PGC: variants seen among roughly 807,000 people sequenced by gnomAD.
PGC encodes the protein gastricsin.
Under a neutral mutation model 45.9 loss-of-function variants are expected in PGC, and 31 were observed. The observed-to-expected ratio is 0.67, with a 90% CI of 0.51 to 0.91. The LOEUF is 0.91. Ranked by LOEUF, PGC falls within the 40% of genes least tolerant of loss-of-function variation. The probability of loss-of-function intolerance (pLI) is 0.00; values close to 1 mark genes in which losing one functional copy is unlikely to be tolerated. For synonymous variants in PGC, 192 were observed against 201.8 expected (o/e 0.95, Z 0.41); for missense variants, 477 against 493.2 (o/e 0.97, Z 0.31).
intron 5 of PGC, 165 bp from the exon 6 acceptor site, chr6:41,740,775 G>A (rs553364803): frequency 2.3e-5 from 33 of 1,439,186 alleles, no homozygotes; most frequent in South Asian, 1.5e-4. Context: ...CTGAGGACAG[G>A]GCTGTATCCC....
chr6:41,737,682 C>A, intron 8 of PGC, 48 bp downstream of exon 8: 1 of 1,189,264 alleles, frequency 8.4e-7, no homozygotes, highest in Non-Finnish European at 1.3e-6. Flanking sequence ...CCAGCCCTTC[C>A]TCCCAACCCC....
At chr6:41,741,765 C>T in intron 5 of PGC, 2 of 1,514,182 alleles carry the variant, frequency 1.3e-6, no homozygotes, top group African/African-American at 1.4e-5. Context: ...AATGCCTGCA[C>T]ATGCTTGTGT....
rs369400208 is a variant in PGC, at chr6:41,740,587, G to A, written c.671C>T (p.Ala224Val). 1.1e-5 allele frequency: 18 copies of A among 1,601,056 alleles called. No individual in the cohort carries two copies. The African/African-American group carries it at 1.2e-4, about 11-fold the overall frequency. Residue 224 changes from alanine (A) to valine (V), a missense_variant, in exon 6 of 9, where the codon GCG (alanine) becomes GTG (valine). By Grantham distance (64) the Ala-to-Val change is moderately conservative. Coordinates refer to ENST00000373025, the MANE Select transcript of PGC (RefSeq NM_002630.4). ...LSNQQGSSGG[A>V]VVFGGVDSSL... ...GCTATCCACACCCCCAAAGACAACC[G>A]CTCCCCCGCTGGAGCCCTGCTGGCT...
intron 3 of PGC, among the ~76,000 whole-genome samples, chr6:41,743,823 C>T (rs915020981): frequency 1.3e-5 from 2 of 152,194 alleles, no homozygotes; most frequent in Non-Finnish European, 2.9e-5. Flanking sequence ...CCAGTCATAA[C>T]ATAGGGTGGG....
chr6:41,743,227 C>G, intron 4 of PGC, 44 bp downstream of exon 4: 1 of 1,176,134 alleles, frequency 8.5e-7, no homozygotes, highest in Non-Finnish European at 1.3e-6. Context: ...TCCCCTCCAG[C>G]TTATAGCTCA....
rs751954837 is a variant in PGC at position 41,736,999 on chromosome 6, G to A, written c.1020C>T (p.Asn340=). 4.3e-6 allele frequency: 7 copies of A among 1,612,992 alleles called. No individual in the cohort carries two copies. The highest frequency in any genetic ancestry group is 1.3e-5 in the African/African-American group (1 of 75,020). Residue 340 remains asparagine (N), a synonymous_variant, in exon 9 of 9, where the codon AAC becomes AAT. Coordinates refer to ENST00000373025, the MANE Select transcript of PGC (RefSeq NM_002630.4). Reference sequence around the variant, plus strand: ...GCTCGACTCCCACGGTGCAGTAGCCGTTGTTCTGCTCAACAAAGAAAGGCA... The same window carrying A: ...GCTCGACTCCCACGGTGCAGTAGCCATTGTTCTGCTCAACAAAGAAAGGCA... ...LPPSSYILSN[N]GYCTVGVEPT...
chr6:41,738,501 A>C (rs867641852), intron 7 of PGC, among the ~76,000 whole-genome samples: 1 of 151,796 alleles, frequency 6.6e-6, no homozygotes, highest in South Asian at 2.1e-4. Context: ...GATGGCACAC[A>C]CGTGTAGTCC....
intron 1 of PGC, among the ~76,000 whole-genome samples, chr6:41,745,683 G>A (rs1453281603): frequency 2.0e-5 from 3 of 151,506 alleles, no homozygotes; most frequent in African/African-American, 7.3e-5. Flanking sequence ...CTGAGTAGCT[G>A]GGATTACAGG....
At chr6:41,738,266 A>ATATATATG in intron 7 of PGC, among the ~76,000 whole-genome samples, 1 of 6,782 alleles carries the variant, frequency 1.5e-4, no homozygotes, top group Non-Finnish European at 4.2e-4. Flanking sequence ...ATATATATGC[A>ATATATATG]CACACACACA....
rs1165891673 is a variant in PGC at position 41,738,137 on chromosome 6, TATATATGCATATATATATAC to T, written c.916-329_916-310del. Among the ~76,000 whole-genome samples, 15 of 51,584 alleles carry T rather than the reference TATATATGCATATATATATAC, an allele frequency of 2.9e-4. 1 individual carries two copies. Among genetic ancestry groups the T allele is most frequent in the African/African-American group, 3.9e-4 (6 of 15,340 alleles). 33.8% of individuals were successfully genotyped at this position (51,584 alleles called of 152,430 possible). A position where few individuals can be genotyped will look rare whatever the true frequency, so the allele number is the denominator to read the frequency against. ...GTGCCTATATACATATATATGCATA[TATATATGCATATATATATAC>T]ATATATATGCATATATATATACATA... is the stretch of plus-strand genomic sequence containing the variant. On this transcript the variant is annotated intron_variant, in intron 7 of 8. Transcript: ENST00000373025.
intron 6 of PGC, 116 bp downstream of exon 6, chr6:41,740,375 C>G (rs1262925259): frequency 7.5e-7 from 1 of 1,337,350 alleles, no homozygotes; most frequent in Non-Finnish European, 1.0e-6. Flanking sequence ...TAGGAGTAAG[C>G]CTCAGGGGTC....
chr6:41,743,122 G>A (rs376553246), intron 4 of PGC, 149 bp downstream of exon 4: 3 of 693,426 alleles, frequency 4.3e-6, no homozygotes, highest in African/African-American at 1.8e-5. Context: ...TGAGTGTTGG[G>A]GGAGTGACTG....
chr6:41,740,071 A>G, intron 6 of PGC, 125 bp from the exon 7 acceptor site: 1 of 787,402 alleles, frequency 1.3e-6, no homozygotes, highest in Non-Finnish European at 2.0e-6. Context: ...GGACCCTGCA[A>G]AGATCAATCC....
In PGC at chr6:41,743,410, G is replaced by C. The variant is rs764243175; in HGVS notation, c.329-21C>G. ...ACTGGCTGCAGGGGAGTCAGGGCATGGGGAGTCAGGCCGGCTGGGGCAGGG... is the reference window on the plus strand; with the variant it reads ...ACTGGCTGCAGGGGAGTCAGGGCATCGGGAGTCAGGCCGGCTGGGGCAGGG... On this transcript the variant is annotated intron_variant, in intron 3 of 8. Coordinates refer to ENST00000373025, the MANE Select transcript of PGC (RefSeq NM_002630.4). The C allele has an allele frequency of 2.0e-6, 3 of 1,488,842 alleles. No homozygotes were observed. In the South Asian group the frequency reaches 3.4e-5, roughly 17 times the overall value. 92.2% of individuals were successfully genotyped at this position (1,488,842 alleles called of 1,614,324 possible). A position where few individuals can be genotyped will look rare whatever the true frequency, so the allele number is the denominator to read the frequency against.
intron 5 of PGC, chr6:41,741,913 T>C: frequency 3.2e-6 from 4 of 1,268,636 alleles, no homozygotes; most frequent in Admixed American, 2.0e-5. Context: ...GTAGAAAACA[T>C]TCGGTCAGAA....
intron 4 of PGC, among the ~76,000 whole-genome samples, 193 bp from the exon 5 acceptor site, chr6:41,742,682 T>C (rs1451586437): frequency 6.6e-6 from 1 of 152,242 alleles, no homozygotes; most frequent in East Asian, 1.9e-4. Flanking sequence ...TGGAATGCAG[T>C]GGCGCAATCT....
intron 7 of PGC, among the ~76,000 whole-genome samples, chr6:41,738,202 G>A (rs12194449): frequency 0.15 from 9,210 of 60,078 alleles, 1,012 homozygotes; most frequent in Non-Finnish European, 0.2. Flanking sequence ...ATATATATAT[G>A]CATATATATA....
intron 1 of PGC, among the ~76,000 whole-genome samples, chr6:41,746,695 G>A (rs142497408): frequency 6.6e-6 from 1 of 152,292 alleles, no homozygotes; most frequent in Non-Finnish European, 1.5e-5. Flanking sequence ...TTTCTGAGAG[G>A]AGCCAGCTCT....
chr6:41,737,079 G>A, intron 8 of PGC, 75 bp from the exon 9 acceptor site: 1 of 1,430,882 alleles, frequency 7.0e-7, no homozygotes, highest in Non-Finnish European at 9.5e-7. Flanking sequence ...CTGAGCCCTG[G>A]GCTGGGAGCA....
Sources: allele counts gnomAD v4.1 joint callset (sites outside exome capture counted in the v4.1 genomes callset), GRCh38; gene constraint gnomAD v4.1.1; transcripts MANE v1.5; gene names NCBI Gene and HGNC (gene_info 2026-07-23, HGNC 2026-07-21).